Variants in ACSM5 observed in about 807,000 individuals in gnomAD.
ACSM5 encodes acyl-CoA synthetase medium chain family member 5.
ACSM5 carries 56 observed loss-of-function variants against 71.6 expected under a neutral mutation model. The ratio of observed to expected loss-of-function variants is 0.78; its 90% CI spans 0.63 to 0.98. The LOEUF (loss-of-function observed/expected upper bound fraction) is 0.98, where lower values mean the gene tolerates loss of function less well. ACSM5 is among the 50% of genes least tolerant of loss of function. The pLI, the probability that ACSM5 is intolerant of heterozygous loss-of-function variation, is 0.00. For synonymous variants in ACSM5, 285 were observed against 281.5 expected, an observed-to-expected ratio of 1.01 and a Z score of -0.12; for missense variants, 723 against 726.0, an observed-to-expected ratio of 1.00 and a Z score of 0.05.
At chr16:20,430,440 G>T (rs1299280736) in intron 8 of ACSM5, among the ~76,000 whole-genome samples, 1 of 151,934 alleles carries the variant, frequency 6.6e-6, no homozygotes, top group Non-Finnish European at 1.5e-5. Flanking sequence ...TTGGCTTAGA[G>T]ATGGGTTAAG....
At chr16:20,415,671 G>A (rs774200438) in intron 2 of ACSM5, among the ~76,000 whole-genome samples, 14 of 152,174 alleles carry the variant, frequency 9.2e-5, no homozygotes, top group Non-Finnish European at 2.1e-4. Context: ...GATGATTTAG[G>A]GCAGAGTTGT....
intron 10 of ACSM5, among the ~76,000 whole-genome samples, chr16:20,432,147 T>A (rs529266513): frequency 7.9e-4 from 120 of 152,222 alleles, no homozygotes; most frequent in African/African-American, 2.8e-3. Flanking sequence ...CGGGCTTTCT[T>A]TTCTTCACAG....
At chr16:20,432,971 C>T (rs1474240820) in intron 10 of ACSM5, among the ~76,000 whole-genome samples, 1 of 150,450 alleles carries the variant, frequency 6.6e-6, no homozygotes, top group Non-Finnish European at 1.5e-5. Context: ...AACTCTCGCG[C>T]TCCAGTCTCC....
intron 2 of ACSM5, among the ~76,000 whole-genome samples, chr16:20,414,623 G>A (rs1966853230): frequency 6.6e-6 from 1 of 152,210 alleles, no homozygotes; most frequent in Non-Finnish European, 1.5e-5. Flanking sequence ...AGCAGCAATA[G>A]ATGGGATTAT....
chr16:20,411,941 A>C (rs1966848599), intron 2 of ACSM5: 1 of 501,700 alleles, frequency 2.0e-6, no homozygotes, highest in Middle Eastern at 5.5e-4. Context: ...TGAGACAGTT[A>C]TGTCCCTTCC....
chr16:20,420,339 G>A (rs146402349), intron 4 of ACSM5, among the ~76,000 whole-genome samples: 6,756 of 152,246 alleles, frequency 0.044, 159 homozygotes, highest in South Asian at 0.06. Context: ...CATGGCTCAC[G>A]CCTGTAATCC....
intron 10 of ACSM5, among the ~76,000 whole-genome samples, chr16:20,431,533 A>C (rs12923629): frequency 0.086 from 13,114 of 152,152 alleles, 695 homozygotes; most frequent in East Asian, 0.19. Context: ...CATCATGCAA[A>C]TAGTACAGGC....
At chr16:20,414,176 G>A (rs1397343601) in intron 2 of ACSM5, among the ~76,000 whole-genome samples, 2 of 152,172 alleles carry the variant, frequency 1.3e-5, no homozygotes, top group Admixed American at 6.5e-5. Flanking sequence ...TCAAAATAAT[G>A]CACCCCTTCC....
chr16:20,419,600 G>T, intron 4 of ACSM5, 165 bp downstream of exon 4: 3 of 655,824 alleles, frequency 4.6e-6, no homozygotes, highest in Non-Finnish European at 5.2e-6. Context: ...CTACCTTAAT[G>T]TTCAAGGTCC....
At position 20,433,840 on chromosome 16, in the gene ACSM5, A is replaced by ATTTT. The variant is rs61417020; in HGVS notation, c.1308+2533_1308+2536dup. On this transcript the variant is annotated intron_variant, in intron 10 of 13. Transcript: ENST00000331849. Reference sequence around the variant, plus strand: ...AGGCACATGCCACCACACCTGGCTAATTTTTTTTTTTTTTTTTGTAAAGAT... The same window carrying ATTTT: ...AGGCACATGCCACCACACCTGGCTAATTTTTTTTTTTTTTTTTTTTTGTAAAGAT... Among the ~76,000 whole-genome samples the ATTTT allele has an allele frequency of 1.2e-3, 160 of 137,194 alleles. 2 individuals are homozygous for ATTTT. The highest frequency in any genetic ancestry group is 3.9e-3 in the African/African-American group (143 of 36,566). The allele number at this position is 137,194 out of a possible 152,430, so 90.0% of individuals were successfully genotyped here.
rs547084549 is a variant in ACSM5, at chr16:20,411,745, C to A, written c.204+57C>A. 25 of 1,546,128 alleles carry A rather than the reference C, an allele frequency of 1.6e-5. No homozygotes were observed. The East Asian group carries it at 4.1e-4, about 25-fold the overall frequency. ...GGGCATCTGAGGCTGCCCTCATGTA[C>A]CACAATGAGACTCAAGGCTCCAAGC... On this transcript the variant is annotated intron_variant, in intron 2 of 13. Coordinates refer to ENST00000331849, the MANE Select transcript of ACSM5 (RefSeq NM_017888.3).
chr16:20,419,193 C>T (rs1198126934), intron 3 of ACSM5, 35 bp from the exon 4 acceptor site: 4 of 1,609,626 alleles, frequency 2.5e-6, no homozygotes, highest in Non-Finnish European at 3.4e-6. Flanking sequence ...GCCTTCCCCG[C>T]TATCCACTCA....
In ACSM5 at chr16:20,430,985, C is replaced by T. The variant is rs377327417; in HGVS notation, c.1126-8C>T. On this transcript the variant is annotated splice_polypyrimidine_tract_variant and splice_region_variant and intron_variant, in intron 8 of 13. Coordinates refer to ENST00000331849, the MANE Select transcript of ACSM5 (RefSeq NM_017888.3). ...GGCTCTTCTTTATCTGTACTGCGTT[C>T]TCCCCAGGTTGTCATCTGTGCCAAT... is the stretch of plus-strand genomic sequence containing the variant. 3.4e-5 allele frequency: 55 copies of T among 1,609,024 alleles called. No homozygotes were observed. The highest frequency in any genetic ancestry group is 4.4e-5 in the Non-Finnish European group (52 of 1,177,324).
chr16:20,425,503 A>AT (rs1347469611), intron 6 of ACSM5, among the ~76,000 whole-genome samples: 5 of 152,066 alleles, frequency 3.3e-5, no homozygotes, highest in African/African-American at 7.2e-5. Flanking sequence ...TTTAGTGGTG[A>AT]TTGTAAGATT....
chr16:20,437,382 C>A lies in ACSM5; in HGVS notation c.1536+15C>A. On this transcript the variant is annotated intron_variant, in intron 12 of 13. Transcript: ENST00000331849. ...TCAGGGGAGAGGTAACCAGTGCACCCAAGAACATGGCCTCCTGCTTCTGTA... is the reference window on the plus strand; with the variant it reads ...TCAGGGGAGAGGTAACCAGTGCACCAAAGAACATGGCCTCCTGCTTCTGTA... 6.4e-7 allele frequency: 1 copy of A among 1,567,328 alleles called. No homozygotes were observed. Among genetic ancestry groups the A allele is most frequent in the Middle Eastern group, 1.8e-4 (1 of 5,628 alleles).
At chr16:20,419,715 C>G in intron 4 of ACSM5, 1 of 477,610 alleles carries the variant, frequency 2.1e-6, no homozygotes, top group Non-Finnish European at 3.8e-6. Context: ...CATGAAATAA[C>G]CAATATGGTG....
Position 20,411,627 on chromosome 16 carries a change from T to A in ACSM5, c.143T>A (p.Leu48Gln). The A allele has an allele frequency of 6.2e-7, 1 of 1,614,172 alleles. No homozygotes were observed. Among genetic ancestry groups the A allele is most frequent in the Non-Finnish European group, 8.5e-7 (1 of 1,180,028 alleles). The part of the protein sequence containing the change: ...TWEAISLGRQ[L>Q]VPEYFNFAHD... ...GAAGCCATCAGCCTGGGAAGGCAGC[T>A]GGTGCCTGAGTACTTCAACTTCGCC... The change falls in exon 2 of 14, where the codon CTG becomes CAG. Residue 48 changes from leucine to glutamine, a missense_variant. Leu to Gln is a moderately radical substitution (Grantham distance 113, BLOSUM62 -2). Coordinates refer to ENST00000331849, the MANE Select transcript of ACSM5 (RefSeq NM_017888.3).
chr16:20,424,126 G>A (rs1030454997), intron 6 of ACSM5, 57 bp downstream of exon 6: 1 of 1,588,434 alleles, frequency 6.3e-7, no homozygotes, highest in African/African-American at 1.3e-5. Flanking sequence ...AGATGAGTGG[G>A]ATATAGATTT....
chr16:20,418,218 C>A lies in ACSM5; in HGVS notation c.364C>A (p.Leu122Ile), dbSNP rs1456483599. 1 of 1,612,274 alleles carries A rather than the reference C, an allele frequency of 6.2e-7. No individual in the cohort carries two copies. The highest frequency in any genetic ancestry group is 8.5e-7 in the Non-Finnish European group (1 of 1,179,842). ...GCCTGGGGACAGAATGATGCTGGTA[C>A]TCCCACGGCTCCCGGAGTGGTGGCT... Reference protein sequence around the residue: ...LQPGDRMMLVLPRLPEWWLVS... With the variant: ...LQPGDRMMLVIPRLPEWWLVS... Residue 122 changes from leucine to isoleucine, a missense_variant, in exon 3 of 14, where the codon CTC becomes ATC. Coordinates refer to ENST00000331849, the MANE Select transcript of ACSM5 (RefSeq NM_017888.3).
Sources: gnomAD v4.1 joint callset for allele counts (sites outside exome capture counted in the v4.1 genomes callset) on GRCh38, gnomAD v4.1.1 for gene constraint, MANE v1.5 for transcripts, NCBI Gene and HGNC (gene_info 2026-07-23, HGNC 2026-07-21) for gene names.